The following FANCC variants were observed in gnomAD, a reference collection of about 807,000 sequenced individuals.
FANCC encodes the protein FA complementation group C.
FANCC carries 55 observed loss-of-function variants against 71.3 expected under a neutral mutation model. That is an observed-to-expected ratio of 0.77 (90% CI 0.62 to 0.97). FANCC has a LOEUF of 0.97. Among genes scored for constraint, FANCC ranks in the 50% least tolerant of loss-of-function variants. The pLI, the probability that FANCC is intolerant of heterozygous loss-of-function variation, is 0.00. For missense variants in FANCC, 678 were observed against 670.9 expected, an observed-to-expected ratio of 1.01 and a Z score of -0.12; for synonymous variants, 275 against 244.9, an observed-to-expected ratio of 1.12 and a Z score of -1.15.
chr9:95,216,741 T>A (rs577555723), intron 4 of FANCC, among the ~76,000 whole-genome samples: 3 of 152,310 alleles, frequency 2.0e-5, no homozygotes, highest in Non-Finnish European at 4.4e-5. Context: ...AGTATTTATC[T>A]AGGACTCTCT....
intron 4 of FANCC, among the ~76,000 whole-genome samples, chr9:95,177,800 C>G (rs1439071140): frequency 6.6e-6 from 1 of 152,170 alleles, no homozygotes; most frequent in African/African-American, 2.4e-5. Context: ...GGCTGCCAAG[C>G]ATGCATGTGG....
At chr9:95,175,653 G>A (rs1386825500) in intron 4 of FANCC, among the ~76,000 whole-genome samples, 5 of 152,232 alleles carry the variant, frequency 3.3e-5, no homozygotes, top group African/African-American at 1.2e-4. Flanking sequence ...CGTGCCATCT[G>A]TGGAAGTGCT....
At chr9:95,213,124 G>T (rs1828613095) in intron 4 of FANCC, among the ~76,000 whole-genome samples, 1 of 151,948 alleles carries the variant, frequency 6.6e-6, no homozygotes, top group South Asian at 2.1e-4. Context: ...CATTATACTG[G>T]GTTAAATAAA....
chr9:95,260,456 A>G (rs552458382), intron 1 of FANCC, among the ~76,000 whole-genome samples: 1 of 152,172 alleles, frequency 6.6e-6, no homozygotes, highest in African/African-American at 2.4e-5. Context: ...ACCAAACACC[A>G]CATGTTCTCA....
intron 7 of FANCC, among the ~76,000 whole-genome samples, chr9:95,137,778 G>A (rs56025140): frequency 3.3e-5 from 5 of 152,208 alleles, no homozygotes; most frequent in Non-Finnish European, 7.3e-5. Flanking sequence ...AGGGGAGGAG[G>A]AGCAGCTGCA....
intron 13 of FANCC, chr9:95,111,167 G>A: frequency 6.5e-7 from 1 of 1,535,714 alleles, no homozygotes; most frequent in South Asian, 1.2e-5. Context: ...GCGACCCTGG[G>A]GCAGATATGG....
intron 4 of FANCC, among the ~76,000 whole-genome samples, chr9:95,201,137 A>G (rs1003138121): frequency 6.6e-6 from 1 of 152,208 alleles, no homozygotes; most frequent in Non-Finnish European, 1.5e-5. Context: ...TGTAGTATAA[A>G]GCATTTTAGG....
chr9:95,310,386 G>C (rs925201217), intron 1 of FANCC, among the ~76,000 whole-genome samples: 1 of 151,838 alleles, frequency 6.6e-6, no homozygotes, highest in Non-Finnish European at 1.5e-5. Context: ...AAAAAAGGAG[G>C]GGGGGAATTC....
chr9:95,296,958 T>C (rs1341326934), intron 1 of FANCC, among the ~76,000 whole-genome samples: 1 of 152,224 alleles, frequency 6.6e-6, no homozygotes, highest in African/African-American at 2.4e-5. Flanking sequence ...ATCTCTTTCA[T>C]TTCAAACAAT....
intron 4 of FANCC, among the ~76,000 whole-genome samples, chr9:95,217,123 A>C (rs978512326): frequency 2.6e-5 from 4 of 152,230 alleles, no homozygotes; most frequent in African/African-American, 9.6e-5. Flanking sequence ...AATCAGACAC[A>C]ACAAAATTAA....
intron 4 of FANCC, among the ~76,000 whole-genome samples, chr9:95,223,931 C>G (rs190929902): frequency 2.6e-5 from 4 of 152,180 alleles, no homozygotes; most frequent in Non-Finnish European, 4.4e-5. Flanking sequence ...GAGCCAAGAT[C>G]GTGCCGTTGC....
chr9:95,231,123 T>G (rs935727497), intron 4 of FANCC, among the ~76,000 whole-genome samples: 1 of 152,216 alleles, frequency 6.6e-6, no homozygotes, highest in African/African-American at 2.4e-5. Flanking sequence ...GATCTTGCAT[T>G]AGGTTCAATT....
chr9:95,135,249 T>C, intron 8 of FANCC, 97 bp downstream of exon 8: 1 of 1,245,008 alleles, frequency 8.0e-7, no homozygotes. Context: ...CCAATTGCTC[T>C]TTTGTTTACA....
chr9:95,123,316 A>G lies in FANCC; in HGVS notation c.996+1770T>C, dbSNP rs937510429. ...AAGAGCCTGTCTCAAAAAATAAAAT[A>G]AAATAAAAATATATTTATTGTTGCT... is the stretch of plus-strand genomic sequence containing the variant. On this transcript the variant is annotated intron_variant, in intron 10 of 14. Transcript: ENST00000289081. The G allele has an allele frequency of 5.4e-5, 16 of 297,894 alleles. No individual in the cohort carries two copies. The Admixed American group carries it at 6.7e-4, about 13-fold the overall frequency. 18.5% of individuals were successfully genotyped at this position (297,894 alleles called of 1,614,324 possible).
At chr9:95,315,663 T>A (rs972203688) in intron 1 of FANCC, among the ~76,000 whole-genome samples, 3 of 152,206 alleles carry the variant, frequency 2.0e-5, no homozygotes, top group Non-Finnish European at 4.4e-5. Context: ...AGAATGCACA[T>A]ATCCCAGCCT....
At chr9:95,106,486 ATTG>A (rs2071453673) in intron 14 of FANCC, among the ~76,000 whole-genome samples, 2 of 152,088 alleles carry the variant, frequency 1.3e-5, no homozygotes, top group Non-Finnish European at 2.9e-5. Context: ...CAATTTATCT[ATTG>A]TTTTCTTTCA....
At chr9:95,180,143 C>CACACATTAGCTGAGGCCT (rs1826250038) in intron 4 of FANCC, among the ~76,000 whole-genome samples, 1 of 152,106 alleles carries the variant, frequency 6.6e-6, no homozygotes, top group East Asian at 1.9e-4. Flanking sequence ...AACTGAAGCA[C>CACACATTAGCTGAGGCCT]ACACATTAGC....
intron 4 of FANCC, among the ~76,000 whole-genome samples, chr9:95,230,660 C>T (rs1054635806): frequency 1.3e-5 from 2 of 152,104 alleles, no homozygotes; most frequent in African/African-American, 4.8e-5. Flanking sequence ...TGTTACAGCT[C>T]ATAAAGGTAG....
intron 4 of FANCC, among the ~76,000 whole-genome samples, chr9:95,225,513 T>G (rs112032066): frequency 9.9e-5 from 15 of 152,280 alleles, no homozygotes; most frequent in African/African-American, 3.6e-4. Context: ...TTTTACTAAC[T>G]AAGCCAACTC....
Sources: allele counts gnomAD v4.1 joint callset (sites outside exome capture counted in the v4.1 genomes callset), GRCh38; gene constraint gnomAD v4.1.1; transcripts MANE v1.5; gene names NCBI Gene and HGNC (gene_info 2026-07-23, HGNC 2026-07-21).